The following AKR1C8 variants were observed in gnomAD, a reference collection of about 807,000 sequenced individuals.
AKR1C8 encodes aldo-keto reductase family 1 member C-like protein 1.
chr10:5,133,918 T>TA, the AKR1C8 span, among the ~76,000 whole-genome samples: 4 of 152,318 alleles, frequency 2.6e-5, no homozygotes, highest in Non-Finnish European at 2.9e-5. Context: ...CTGCAACCTG[T>TA]AAAAGATTAG....
At chr10:5,124,989 C>T in the AKR1C8 span, among the ~76,000 whole-genome samples, 1,269 of 148,036 alleles carry the variant, frequency 8.6e-3, 14 homozygotes, top group African/African-American at 0.03. Flanking sequence ...CTTTTGAAAA[C>T]GTAAAAAAAA....
At chr10:5,121,339 G>A in the AKR1C8 span, among the ~76,000 whole-genome samples, 1 of 152,230 alleles carries the variant, frequency 6.6e-6, no homozygotes, top group Admixed American at 6.5e-5. Context: ...CTTGCCCTGA[G>A]GATCCAGAGA....
At chr10:5,123,748 C>T in the AKR1C8 span, 3 of 1,613,332 alleles carry the variant, frequency 1.9e-6, no homozygotes, top group Admixed American at 3.3e-5. Context: ...GCACTGTGGG[C>T]AACCAGAACA....
the AKR1C8 span, among the ~76,000 whole-genome samples, chr10:5,142,539 A>G: frequency 6.6e-6 from 1 of 152,078 alleles, no homozygotes. Context: ...TTTCATGTGA[A>G]TATTTAGAGG....
At chr10:5,146,259 T>A in the AKR1C8 span, among the ~76,000 whole-genome samples, 17 of 149,152 alleles carry the variant, frequency 1.1e-4, no homozygotes, top group East Asian at 2.0e-3. Flanking sequence ...AGATGACGAG[T>A]TAGTGGGTGC....
the AKR1C8 span, among the ~76,000 whole-genome samples, chr10:5,157,003 C>G: frequency 6.6e-6 from 1 of 152,110 alleles, no homozygotes; most frequent in African/African-American, 2.4e-5. Flanking sequence ...TACAAGATAA[C>G]TTCACTCCTC....
the AKR1C8 span, among the ~76,000 whole-genome samples, chr10:5,160,545 C>T: frequency 6.6e-6 from 1 of 152,102 alleles, no homozygotes; most frequent in Non-Finnish European, 1.5e-5. Flanking sequence ...CTATGCTGAC[C>T]CCTTATAGGG....
At chr10:5,181,204 A>T in the AKR1C8 span, among the ~76,000 whole-genome samples, 1 of 152,230 alleles carries the variant, frequency 6.6e-6, no homozygotes, top group Non-Finnish European at 1.5e-5. Flanking sequence ...AGGTTTATAA[A>T]AATCTCATCT....
the AKR1C8 span, among the ~76,000 whole-genome samples, chr10:5,171,551 T>C: frequency 6.6e-6 from 1 of 152,072 alleles, no homozygotes; most frequent in Non-Finnish European, 1.5e-5. Flanking sequence ...TTTATATTAG[T>C]GTGCTATTAA....
chr10:5,159,122 A>G, the AKR1C8 span, among the ~76,000 whole-genome samples: 1 of 152,166 alleles, frequency 6.6e-6, no homozygotes, highest in Non-Finnish European at 1.5e-5. Flanking sequence ...AGGACCCAGG[A>G]TCTTACTTGA....
the AKR1C8 span, chr10:5,161,037 G>T: frequency 1.0e-5 from 4 of 389,538 alleles, no homozygotes; most frequent in African/African-American, 2.1e-5. Context: ...ACATTTGCAT[G>T]CACGTGTGCA....
the AKR1C8 span, among the ~76,000 whole-genome samples, chr10:5,128,312 C>T: frequency 6.6e-6 from 1 of 152,104 alleles, no homozygotes; most frequent in Non-Finnish European, 1.5e-5. Context: ...GACTGTTATA[C>T]ACCACAATGG....
At chr10:5,127,342 T>C in the AKR1C8 span, among the ~76,000 whole-genome samples, 5 of 152,034 alleles carry the variant, frequency 3.3e-5, no homozygotes, top group African/African-American at 1.2e-4. Context: ...AGTGGAAAGT[T>C]TCAACAATAG....
chr10:5,154,159 G>A, the AKR1C8 span: 2 of 470,014 alleles, frequency 4.3e-6, no homozygotes, highest in African/African-American at 4.0e-5. Context: ...TTCAGAAAAT[G>A]GAAAATAAGG....
chr10:5,136,007 T>C, the AKR1C8 span, among the ~76,000 whole-genome samples: 1 of 152,198 alleles, frequency 6.6e-6, no homozygotes, highest in Non-Finnish European at 1.5e-5. Context: ...GGAGTATTAA[T>C]TAACAATGTC....
the AKR1C8 span, chr10:5,185,051 G>A: frequency 3.7e-6 from 2 of 534,764 alleles, no homozygotes; most frequent in South Asian, 2.8e-5. Flanking sequence ...GCACTGGCAT[G>A]AAGGGTCCAT....
At chr10:5,182,333 C>T in the AKR1C8 span, among the ~76,000 whole-genome samples, 2 of 152,152 alleles carry the variant, frequency 1.3e-5, no homozygotes, top group African/African-American at 2.4e-5. Flanking sequence ...TCAAACTTAA[C>T]TTCCGAAACC....
the AKR1C8 span, among the ~76,000 whole-genome samples, chr10:5,169,752 G>A: frequency 1.3e-5 from 2 of 151,916 alleles, no homozygotes; most frequent in Non-Finnish European, 2.9e-5. Flanking sequence ...TCTCACGAGG[G>A]TAGCATAGTA....
chr10:5,173,621 A>C, the AKR1C8 span, among the ~76,000 whole-genome samples: 1 of 149,598 alleles, frequency 6.7e-6, no homozygotes, highest in Non-Finnish European at 1.5e-5. Flanking sequence ...TAGAAAACCG[A>C]AAAGCCAGAC....
Sources: gnomAD v4.1 joint callset for allele counts (sites outside exome capture counted in the v4.1 genomes callset) on GRCh38, gnomAD v4.1.1 for gene constraint, MANE v1.5 for transcripts, NCBI Gene and HGNC (gene_info 2026-07-23, HGNC 2026-07-21) for gene names.